NBEA: variants seen among roughly 807,000 people sequenced by gnomAD.
The protein encoded by NBEA is lysosomal-trafficking regulator 2.
A neutral mutation model predicts 343.4 loss-of-function variants in NBEA; 44 were observed. The observed-to-expected ratio is 0.13, with a 90% CI of 0.10 to 0.16. The LOEUF is 0.16. Ranked by LOEUF, NBEA falls within the 10% of genes least tolerant of loss-of-function variation. NBEA has a pLI of 1.00. For synonymous variants in NBEA, 1,175 were observed against 1,238.7 expected, an observed-to-expected ratio of 0.95 and a Z score of 1.08; for missense variants, 2,555 against 3,631.3, an observed-to-expected ratio of 0.70 and a Z score of 7.62.
At chr13:35,381,404 A>G (rs1477978297) in intron 38 of NBEA, among the ~76,000 whole-genome samples, 1 of 152,144 alleles carries the variant, frequency 6.6e-6, no homozygotes, top group Non-Finnish European at 1.5e-5. Context: ...GAGCATACCA[A>G]TTCTTAGGTA....
At chr13:35,327,717 C>T (rs1334227578) in intron 36 of NBEA, among the ~76,000 whole-genome samples, 1 of 151,806 alleles carries the variant, frequency 6.6e-6, no homozygotes, top group African/African-American at 2.4e-5. Flanking sequence ...TACCCCAAAC[C>T]TCAACATCAT....
intron 6 of NBEA, among the ~76,000 whole-genome samples, chr13:35,053,784 A>G (rs2063149039): frequency 1.3e-5 from 2 of 152,158 alleles, no homozygotes; most frequent in African/African-American, 4.8e-5. Context: ...TATGTTATGT[A>G]TGGGTGCCAA....
chr13:35,198,271 T>C (rs2072767792), intron 31 of NBEA, among the ~76,000 whole-genome samples: 1 of 152,168 alleles, frequency 6.6e-6, no homozygotes, highest in Non-Finnish European at 1.5e-5. Context: ...TACTTGTGTA[T>C]TTCTATAAGC....
chr13:35,213,050 G>T (rs1366162398), intron 33 of NBEA, among the ~76,000 whole-genome samples: 1 of 151,878 alleles, frequency 6.6e-6, no homozygotes, highest in Non-Finnish European at 1.5e-5. Context: ...TGGTTTATAA[G>T]TGCTTTTGGT....
chr13:34,955,773 T>C (rs2059471566), intron 1 of NBEA, among the ~76,000 whole-genome samples: 1 of 152,186 alleles, frequency 6.6e-6, no homozygotes, highest in Non-Finnish European at 1.5e-5. Flanking sequence ...TACCCCTTCT[T>C]GTAGGAGGGT....
chr13:35,122,529 T>C (rs1462753704), intron 16 of NBEA, among the ~76,000 whole-genome samples: 3 of 140,120 alleles, frequency 2.1e-5, no homozygotes, highest in Admixed American at 7.5e-5. Flanking sequence ...ATGAGAACAC[T>C]TGGACACAGG....
chr13:35,373,732 A>C (rs1219964957), intron 38 of NBEA, among the ~76,000 whole-genome samples: 1 of 151,978 alleles, frequency 6.6e-6, no homozygotes, highest in East Asian at 1.9e-4. Flanking sequence ...TAATAATAAC[A>C]AAAACCTAAG....
chr13:35,629,832 G>A (rs1054473699), intron 49 of NBEA, among the ~76,000 whole-genome samples: 1 of 151,896 alleles, frequency 6.6e-6, no homozygotes, highest in African/African-American at 2.4e-5. Context: ...TTCTTTTAAG[G>A]CTAATACCTT....
chr13:35,107,812 T>C (rs2065989826), intron 11 of NBEA, among the ~76,000 whole-genome samples: 1 of 151,980 alleles, frequency 6.6e-6, no homozygotes, highest in Non-Finnish European at 1.5e-5. Context: ...TGTTACAAAC[T>C]GGGGGAGCAA....
Position 35,111,101 on chromosome 13 carries a change from A to G in NBEA, c.2002+123A>G, listed in dbSNP as rs145075253. ...GAAATGTTTTCTTTCTTATATAGCA[A>G]ACTGGCATATTGAGAATTGTTTGTG... On this transcript the variant is annotated intron_variant, in intron 13 of 58. Transcript: ENST00000379939. 424 of 727,516 alleles carry G rather than the reference A, an allele frequency of 5.8e-4. No individual in the cohort carries two copies. The African/African-American group carries it at 7.3e-3, about 13-fold the overall frequency. The allele number at this position is 727,516 out of a possible 1,614,324, so 45.1% of individuals were successfully genotyped here. A position where few individuals can be genotyped will look rare whatever the true frequency, so the allele number is the denominator to read the frequency against.
At chr13:35,220,209 C>T (rs2074288611) in intron 33 of NBEA, among the ~76,000 whole-genome samples, 1 of 152,150 alleles carries the variant, frequency 6.6e-6, no homozygotes, top group Non-Finnish European at 1.5e-5. Flanking sequence ...TGCATGTGTG[C>T]ATGTTCATCT....
At chr13:35,379,854 ACT>A (rs1286763083) in intron 38 of NBEA, among the ~76,000 whole-genome samples, 2 of 152,152 alleles carry the variant, frequency 1.3e-5, no homozygotes, top group Non-Finnish European at 2.9e-5. Flanking sequence ...CCAATCTCAC[ACT>A]GTCTTAATTA....
rs75869800 is a variant in NBEA, at chr13:35,630,943, C to G, written c.7617+2695C>G. 4.2e-3 allele frequency among the ~76,000 whole-genome samples: 642 copies of G among 152,244 alleles called. 7 individuals are homozygous for G. In the East Asian group the frequency reaches 0.045, roughly 11 times the overall value. Reference sequence around the variant, plus strand: ...CTAGTTAATTTCCCCTTTCCCACTTCCCACCATTCCCCCCTCTAACATATT... The same window carrying G: ...CTAGTTAATTTCCCCTTTCCCACTTGCCACCATTCCCCCCTCTAACATATT... On this transcript the variant is annotated intron_variant, in intron 49 of 58. Transcript: ENST00000379939.
At chr13:35,582,041 C>T (rs1170331776) in intron 45 of NBEA, among the ~76,000 whole-genome samples, 2 of 152,126 alleles carry the variant, frequency 1.3e-5, no homozygotes. Flanking sequence ...TATCCCAGCA[C>T]TTTGGGAGGC....
intron 10 of NBEA, among the ~76,000 whole-genome samples, chr13:35,085,609 A>G (rs1177995671): frequency 1.3e-5 from 2 of 152,164 alleles, no homozygotes; most frequent in Non-Finnish European, 1.5e-5. Flanking sequence ...ATTTATGACA[A>G]ACCCACAGCC....
chr13:34,979,229 T>C (rs981718874), intron 1 of NBEA, among the ~76,000 whole-genome samples: 1 of 152,092 alleles, frequency 6.6e-6, no homozygotes, highest in Non-Finnish European at 1.5e-5. Flanking sequence ...TATGCACCAT[T>C]TAAAAATTTT....
intron 41 of NBEA, 53 bp downstream of exon 41, chr13:35,472,589 G>A (rs2075702394): frequency 1.2e-6 from 2 of 1,610,658 alleles, no homozygotes; most frequent in Non-Finnish European, 1.7e-6. Context: ...GCAGGAAGTG[G>A]TTTTCAATTT....
chr13:35,480,253 T>C (rs1594771990), intron 41 of NBEA, among the ~76,000 whole-genome samples: 1 of 152,086 alleles, frequency 6.6e-6, no homozygotes, highest in East Asian at 1.9e-4. Context: ...TGCTTACTTA[T>C]ATGGGATATA....
chr13:35,541,496 G>A (rs923343615), intron 41 of NBEA, among the ~76,000 whole-genome samples: 2 of 152,062 alleles, frequency 1.3e-5, no homozygotes, highest in Admixed American at 1.3e-4. Flanking sequence ...AAGCCTTCTT[G>A]CAGTTTATCA....
Sources: allele counts gnomAD v4.1 joint callset (sites outside exome capture counted in the v4.1 genomes callset), GRCh38; gene constraint gnomAD v4.1.1; transcripts MANE v1.5; gene names NCBI Gene and HGNC (gene_info 2026-07-23, HGNC 2026-07-21).